The following IL1RAP variants were observed in gnomAD, a reference collection of about 807,000 sequenced individuals.
The protein encoded by IL1RAP is interleukin 1 receptor accessory protein, also known as interleukin-1 receptor accessory protein.
IL1RAP carries 35 observed loss-of-function variants against 60.7 expected under a neutral mutation model. The observed-to-expected ratio is 0.58, with a 90% CI of 0.44 to 0.76. The LOEUF is 0.76. IL1RAP is among the 30% of genes least tolerant of loss of function. The pLI is 0.00. For synonymous variants in IL1RAP, 268 were observed against 250.9 expected, an observed-to-expected ratio of 1.07 and a Z score of -0.64; for missense variants, 572 against 693.9, an observed-to-expected ratio of 0.82 and a Z score of 1.97.
chr3:190,569,810 G>C (rs916864915), intron 3 of IL1RAP, among the ~76,000 whole-genome samples: 1 of 152,102 alleles, frequency 6.6e-6, no homozygotes, highest in African/African-American at 2.4e-5. Flanking sequence ...GTTAGTTAAA[G>C]GAAACCAGTA....
intron 5 of IL1RAP, among the ~76,000 whole-genome samples, chr3:190,611,531 T>C (rs1730825665): frequency 6.6e-6 from 1 of 152,218 alleles, no homozygotes; most frequent in South Asian, 2.1e-4. Flanking sequence ...TAGATAGCAC[T>C]GTAGCATCTA....
downstream of IL1RAP, among the ~76,000 whole-genome samples, chr3:190,654,599 G>A (rs114232253): frequency 9.6e-3 from 1,462 of 152,194 alleles, 27 homozygotes; most frequent in African/African-American, 0.034. Context: ...TAAATCCACT[G>A]ATTGAAAAAA....
At chr3:190,560,797 G>A (rs565277532) in intron 2 of IL1RAP, among the ~76,000 whole-genome samples, 5 of 152,264 alleles carry the variant, frequency 3.3e-5, no homozygotes, top group South Asian at 2.1e-4. Flanking sequence ...TTTCATATGC[G>A]GAAGTAGATG....
intron 2 of IL1RAP, among the ~76,000 whole-genome samples, chr3:190,560,098 A>G (rs377590888): frequency 1.3e-5 from 2 of 152,252 alleles, no homozygotes; most frequent in African/African-American, 4.8e-5. Flanking sequence ...CCTTTTGTGT[A>G]GAATGGAATA....
intron 2 of IL1RAP, among the ~76,000 whole-genome samples, chr3:190,556,786 C>T (rs116322292): frequency 0.011 from 1,699 of 152,286 alleles, 38 homozygotes; most frequent in African/African-American, 0.039. Flanking sequence ...TGGTAGCTCA[C>T]ATTGTCTACT....
chr3:190,540,590 A>T (rs1723846016), intron 1 of IL1RAP, among the ~76,000 whole-genome samples: 1 of 149,142 alleles, frequency 6.7e-6, no homozygotes. Context: ...TGATTTTCCT[A>T]CCTGTTTGTA....
At chr3:190,655,740 ATTT>A, downstream of IL1RAP, 7 of 646,750 alleles carry the variant, frequency 1.1e-5, no homozygotes, top group South Asian at 8.0e-5. Context: ...AGTGGTGTAG[ATTT>A]TTTTGACTGG....
intron 1 of IL1RAP, among the ~76,000 whole-genome samples, chr3:190,537,994 T>C (rs953572066): frequency 2.6e-5 from 4 of 152,142 alleles, no homozygotes; most frequent in African/African-American, 9.7e-5. Flanking sequence ...ATACCTTCTC[T>C]TTTCTTCCCT....
chr3:190,601,504 A>G (rs1168800481), intron 3 of IL1RAP, among the ~76,000 whole-genome samples: 1 of 152,212 alleles, frequency 6.6e-6, no homozygotes, highest in Non-Finnish European at 1.5e-5. Context: ...TGGAAAAACT[A>G]GTTGTTAAAT....
chr3:190,585,002 C>G (rs3773969), intron 3 of IL1RAP, among the ~76,000 whole-genome samples: 1 of 151,802 alleles, frequency 6.6e-6, no homozygotes, highest in Non-Finnish European at 1.5e-5. Flanking sequence ...TTATAACCCA[C>G]GAAATAATGT....
intron 1 of IL1RAP, among the ~76,000 whole-genome samples, chr3:190,552,217 A>G (rs1724925175): frequency 6.6e-6 from 1 of 152,202 alleles, no homozygotes; most frequent in African/African-American, 2.4e-5. Context: ...AAAAATGATG[A>G]CTCAGGAACT....
At chr3:190,516,658 C>G (rs1333215413) in intron 1 of IL1RAP, among the ~76,000 whole-genome samples, 1 of 152,020 alleles carries the variant, frequency 6.6e-6, no homozygotes, top group East Asian at 1.9e-4. Context: ...AGCTCTCATG[C>G]CTGAGTAGTT....
chr3:190,551,027 C>G (rs1724815081), intron 1 of IL1RAP, among the ~76,000 whole-genome samples: 1 of 152,168 alleles, frequency 6.6e-6, no homozygotes, highest in South Asian at 2.1e-4. Context: ...TCAGATAAGA[C>G]CTTTTAAAGC....
intron 1 of IL1RAP, among the ~76,000 whole-genome samples, chr3:190,519,658 C>G (rs1262389642): frequency 2.0e-5 from 3 of 152,148 alleles, no homozygotes; most frequent in Admixed American, 6.5e-5. Flanking sequence ...TCTACTCTTT[C>G]CTTTCCAAAC....
chr3:190,612,862 T>C (rs1446982707), intron 5 of IL1RAP, among the ~76,000 whole-genome samples: 4 of 152,210 alleles, frequency 2.6e-5, no homozygotes, highest in South Asian at 2.1e-4. Context: ...TATTTTTGAC[T>C]TATGATAGGT....
chr3:190,535,179 A>G (rs767495729), intron 1 of IL1RAP, among the ~76,000 whole-genome samples: 2 of 152,184 alleles, frequency 1.3e-5, no homozygotes, highest in African/African-American at 4.8e-5. Context: ...CTCATTTGAC[A>G]TATCAACCCT....
rs548745721 is a variant in IL1RAP, at chr3:190,608,899, C to T, written c.351-96C>T. ...AACTTACATGTATAAATGATGTCTC[C>T]GTATGTAGCCTGGCTTCACTTAGTT... On this transcript the variant is annotated intron_variant, in intron 4 of 11. Transcript: ENST00000447382. The T allele has an allele frequency of 9.5e-5, 82 of 866,488 alleles. 1 individual carries two copies. The Middle Eastern group carries it at 1.4e-3, about 15-fold the overall frequency. The allele number at this position is 866,488 out of a possible 1,614,324, so 53.7% of individuals were successfully genotyped here.
intron 1 of IL1RAP, chr3:190,518,814 A>G (rs1229219050): frequency 6.6e-6 from 1 of 152,256 alleles, no homozygotes; most frequent in Non-Finnish European, 1.5e-5. Flanking sequence ...CCTACCCCAC[A>G]TGATTCAATC....
At chr3:190,628,034 G>A (rs1425273991) in intron 8 of IL1RAP, among the ~76,000 whole-genome samples, 4 of 151,754 alleles carry the variant, frequency 2.6e-5, no homozygotes, top group Admixed American at 2.0e-4. Context: ...AAATACGTTT[G>A]TGTAATTTAA....
Sources: allele counts gnomAD v4.1 joint callset (sites outside exome capture counted in the v4.1 genomes callset), GRCh38; gene constraint gnomAD v4.1.1; transcripts MANE v1.5; gene names NCBI Gene and HGNC (gene_info 2026-07-23, HGNC 2026-07-21).